Variants in VPS13C observed in about 807,000 individuals in gnomAD.
VPS13C encodes vacuolar protein sorting 13 homolog C.
A neutral mutation model predicts 456.8 loss-of-function variants in VPS13C; 358 were observed. The ratio of observed to expected loss-of-function variants is 0.78; its 90% CI spans 0.72 to 0.86. VPS13C has a LOEUF of 0.86. Ranked by LOEUF, VPS13C falls within the 40% of genes least tolerant of loss-of-function variation. VPS13C has a pLI of 0.00. For synonymous variants in VPS13C, 1,578 were observed against 1,486.7 expected (o/e 1.06, Z -1.41); for missense variants, 4,818 against 4,385.4 (o/e 1.10, Z -2.79).
intron 66 of VPS13C, among the ~76,000 whole-genome samples, chr15:61,894,177 G>A (rs956599012): frequency 1.3e-5 from 2 of 151,976 alleles, no homozygotes; most frequent in Admixed American, 6.5e-5. Flanking sequence ...GCGTGGTGGC[G>A]TATGCCTGTA....
intron 1 of VPS13C, among the ~76,000 whole-genome samples, chr15:62,049,089 C>A (rs1437862411): frequency 6.6e-6 from 1 of 152,006 alleles, no homozygotes. Context: ...TTTTGCTGTG[C>A]AGAAGCTCTT....
intron 1 of VPS13C, among the ~76,000 whole-genome samples, chr15:62,044,590 A>T (rs1370346310): frequency 1.3e-5 from 2 of 152,164 alleles, no homozygotes; most frequent in Non-Finnish European, 2.9e-5. Context: ...ATTAAGCCAA[A>T]ATCTCAAGAT....
At chr15:62,023,938 G>T in intron 6 of VPS13C, 93 bp from the exon 7 acceptor site, 1 of 1,107,026 alleles carries the variant, frequency 9.0e-7, no homozygotes, top group Non-Finnish European at 1.3e-6. Context: ...TTTCCTAACA[G>T]CAAATTTTGG....
chr15:62,030,233 A>T (rs2047767368), intron 5 of VPS13C, among the ~76,000 whole-genome samples: 1 of 152,202 alleles, frequency 6.6e-6, no homozygotes, highest in Admixed American at 6.5e-5. Flanking sequence ...GCATTTACAA[A>T]TTCAAGGAAA....
In VPS13C at chr15:61,854,538, C is replaced by G. The variant is rs750018499; in HGVS notation, c.11181G>C (p.Glu3727Asp). ...GCTGCTGTCTCGTTGACTGTGCATC[C>G]TCAATGGCATTACATGCTCTCTGTA... ...ATAERACNAI[E>D]DAQSTRQQQK... Residue 3727 changes from glutamate (E) to aspartate (D), a missense_variant, in exon 85 of 85, where the codon GAG becomes GAC. Physicochemically the swap from Glu to Asp is conservative, Grantham distance 45. Transcript: ENST00000644861. 26 of 1,613,902 alleles carry G rather than the reference C, an allele frequency of 1.6e-5. No homozygotes were observed. Among genetic ancestry groups the G allele is most frequent in the Non-Finnish European group, 2.1e-5 (25 of 1,179,970 alleles).
At chr15:62,039,796 T>C (rs2048181539) in intron 3 of VPS13C, among the ~76,000 whole-genome samples, 1 of 152,120 alleles carries the variant, frequency 6.6e-6, no homozygotes, top group African/African-American at 2.4e-5. Flanking sequence ...GAGAACAATT[T>C]GGGGGTTCCT....
chr15:61,969,179 A>G (rs1766010366), intron 28 of VPS13C, 120 bp downstream of exon 28: 1 of 693,884 alleles, frequency 1.4e-6, no homozygotes, highest in South Asian at 2.4e-5. Flanking sequence ...TATTACTTGT[A>G]AAGTGCTTAC....
intron 1 of VPS13C, among the ~76,000 whole-genome samples, chr15:62,055,045 A>C (rs977412085): frequency 2.6e-5 from 4 of 152,226 alleles, no homozygotes; most frequent in Non-Finnish European, 5.9e-5. Context: ...GGATTTTTAA[A>C]AGGAAATTCT....
intron 15 of VPS13C, among the ~76,000 whole-genome samples, chr15:62,002,642 T>C (rs1270986575): frequency 6.6e-6 from 1 of 152,212 alleles, no homozygotes; most frequent in Middle Eastern, 3.2e-3. Context: ...CTAGGGTTTT[T>C]ATGGTTTTAG....
At chr15:62,002,974 T>G (rs2046686958) in intron 15 of VPS13C, among the ~76,000 whole-genome samples, 1 of 152,190 alleles carries the variant, frequency 6.6e-6, no homozygotes, top group Non-Finnish European at 1.5e-5. Context: ...GCTTTGTTCT[T>G]TTGGCTCAGG....
At position 61,940,721 on chromosome 15, in the gene VPS13C, G is replaced by C; in HGVS notation, c.5527C>G (p.Gln1843Glu). 1 of 1,613,886 alleles carries C rather than the reference G, an allele frequency of 6.2e-7. No homozygotes were observed. The highest frequency in any genetic ancestry group is 8.5e-7 in the Non-Finnish European group (1 of 1,179,914). Reference sequence around the variant, plus strand: ...TACCATGCTGCTGCTAAGTTTCGCTGTATGGACAAAAGCATGTTGACTGGT... The same window carrying C: ...TACCATGCTGCTGCTAAGTTTCGCTCTATGGACAAAAGCATGTTGACTGGT... ...LKPVNMLLSI[Q>E]RNLAAAWYVQ... Residue 1843 changes from glutamine to glutamate, a missense_variant, in exon 47 of 85, where the codon CAG becomes GAG. Physicochemically the swap from Gln to Glu is conservative, Grantham distance 29. Coordinates refer to ENST00000644861, the MANE Select transcript of VPS13C (RefSeq NM_020821.3).
intron 10 of VPS13C, among the ~76,000 whole-genome samples, chr15:62,013,595 T>C (rs1346669799): frequency 6.6e-6 from 1 of 152,018 alleles, no homozygotes; most frequent in African/African-American, 2.4e-5. Flanking sequence ...AAATGAAACG[T>C]ATCTGTTTAA....
intron 65 of VPS13C, 25 bp downstream of exon 65, chr15:61,908,967 T>C: frequency 6.2e-7 from 1 of 1,607,440 alleles, no homozygotes; most frequent in Non-Finnish European, 8.5e-7. Context: ...TAAAAGTATT[T>C]CCCATTAACC....
intron 20 of VPS13C, 64 bp downstream of exon 20, chr15:61,983,756 A>C: frequency 6.7e-7 from 1 of 1,498,442 alleles, no homozygotes. Flanking sequence ...AGGAGAAATA[A>C]GAAAACAGTA....
chr15:61,948,554 G>C (rs1399757860), intron 42 of VPS13C, among the ~76,000 whole-genome samples: 1 of 151,960 alleles, frequency 6.6e-6, no homozygotes, highest in Non-Finnish European at 1.5e-5. Flanking sequence ...ATGGTGGTGA[G>C]CACCTGTAAT....
chr15:62,039,216 A>C (rs2048160545), intron 3 of VPS13C, among the ~76,000 whole-genome samples: 1 of 152,210 alleles, frequency 6.6e-6, no homozygotes, highest in Non-Finnish European at 1.5e-5. Flanking sequence ...GGATAAAGAA[A>C]ATGTGATACA....
chr15:61,979,566 A>C (rs913586917), intron 22 of VPS13C, among the ~76,000 whole-genome samples: 13 of 152,366 alleles, frequency 8.5e-5, no homozygotes, highest in South Asian at 4.1e-4. Context: ...ACTAATTTTA[A>C]GAAAGGTCAA....
chr15:61,876,930 T>C (rs1331466486), intron 75 of VPS13C, 43 bp downstream of exon 75: 3 of 1,438,604 alleles, frequency 2.1e-6, no homozygotes, highest in East Asian at 4.6e-5. Flanking sequence ...TTTTGATATT[T>C]TATGAAGTAT....
At chr15:61,986,104 T>C (rs1486391668) in intron 18 of VPS13C, among the ~76,000 whole-genome samples, 2 of 148,916 alleles carry the variant, frequency 1.3e-5, no homozygotes, top group Non-Finnish European at 3.0e-5. Context: ...CTCTCACACA[T>C]ACACATACAC....
Sources: gnomAD v4.1 joint callset for allele counts (sites outside exome capture counted in the v4.1 genomes callset) on GRCh38, gnomAD v4.1.1 for gene constraint, MANE v1.5 for transcripts, NCBI Gene and HGNC (gene_info 2026-07-23, HGNC 2026-07-21) for gene names.